PRTG: variants seen among roughly 807,000 people sequenced by gnomAD.
The protein encoded by PRTG is immunoglobulin superfamily, DCC subclass, member 5.
A neutral mutation model predicts 122.5 loss-of-function variants in PRTG; 67 were observed. That is an observed-to-expected ratio of 0.55 (90% CI 0.45 to 0.67). The LOEUF (loss-of-function observed/expected upper bound fraction) is 0.67. Among genes scored for constraint, PRTG ranks in the 30% least tolerant of loss-of-function variants. PRTG has a pLI of 0.00. For synonymous variants in PRTG, 554 were observed against 501.1 expected, an observed-to-expected ratio of 1.11 and a Z score of -1.41; for missense variants, 1,435 against 1,415.4, an observed-to-expected ratio of 1.01 and a Z score of -0.22.
chr15:55,631,070 G>A (rs191898595), intron 15 of PRTG, among the ~76,000 whole-genome samples: 8 of 152,256 alleles, frequency 5.3e-5, no homozygotes, highest in East Asian at 3.9e-4. Context: ...CTCCAGCAGC[G>A]ATGCCAGGAG....
intron 11 of PRTG, among the ~76,000 whole-genome samples, chr15:55,657,084 G>A (rs1045726654): frequency 2.6e-5 from 4 of 152,172 alleles, no homozygotes; most frequent in Non-Finnish European, 5.9e-5. Context: ...AGTATACCAA[G>A]AATGAGGCCA....
At chr15:55,702,921 T>C (rs564659285) in intron 2 of PRTG, 60 of 985,416 alleles carry the variant, frequency 6.1e-5, no homozygotes, top group Non-Finnish European at 6.6e-5. Context: ...ATCCAGCATA[T>C]CCTGCAGACA....
intron 2 of PRTG, among the ~76,000 whole-genome samples, chr15:55,685,976 T>A (rs1240305143): frequency 6.6e-6 from 1 of 152,204 alleles, no homozygotes; most frequent in African/African-American, 2.4e-5. Flanking sequence ...CTTGCTAGGA[T>A]GTTTATCTGC....
chr15:55,721,973 A>T (rs1421910841), intron 2 of PRTG, among the ~76,000 whole-genome samples: 1 of 152,182 alleles, frequency 6.6e-6, no homozygotes, highest in African/African-American at 2.4e-5. Context: ...ATTCAAGATG[A>T]GATTTGGGTG....
intron 11 of PRTG, among the ~76,000 whole-genome samples, chr15:55,665,206 G>A (rs1314590624): frequency 2.0e-5 from 3 of 152,046 alleles, no homozygotes; most frequent in Non-Finnish European, 2.9e-5. Context: ...CTTGCAGTGA[G>A]CCGAGATCGC....
At chr15:55,646,714 A>G (rs74482405) in intron 11 of PRTG, among the ~76,000 whole-genome samples, 21,375 of 152,250 alleles carry the variant, frequency 0.14, 2,183 homozygotes, top group African/African-American at 0.28. Context: ...TTAGCAATAT[A>G]TAAAGATGAA....
intron 2 of PRTG, among the ~76,000 whole-genome samples, chr15:55,691,636 G>A (rs562752629): frequency 5.3e-5 from 8 of 150,206 alleles, no homozygotes; most frequent in East Asian, 2.0e-4. Flanking sequence ...AGCCGAGATC[G>A]TGCCACTGTA....
At chr15:55,662,430 A>G (rs985006825) in intron 11 of PRTG, among the ~76,000 whole-genome samples, 40 of 152,242 alleles carry the variant, frequency 2.6e-4, no homozygotes, top group Non-Finnish European at 3.2e-4. Context: ...AGAAAGCAAA[A>G]TATCTTCTGT....
Position 55,620,023 on chromosome 15 carries a change from G to A in PRTG, c.3442C>T (p.Pro1148Ser). The A allele has an allele frequency of 6.2e-7, 1 of 1,614,096 alleles. No individual in the cohort carries two copies. Among genetic ancestry groups the A allele is most frequent in the Non-Finnish European group, 8.5e-7 (1 of 1,179,998 alleles). The change falls in exon 20 of 20, where the codon CCC becomes TCC. Residue 1148 changes from proline (P) to serine (S), a missense_variant. Physicochemically the swap from Pro to Ser is moderately conservative, Grantham distance 74 (BLOSUM62 -1). Transcript: ENST00000389286. ...HLSSVISTTP[P>S]NL is the part of the protein sequence containing the mutation. Reference sequence around the variant, plus strand: ...TGCCAGTGAAAGAATCAGAGGTTGGGGGGTGTGGTACTTATAACTGAGGAC... The same window carrying A: ...TGCCAGTGAAAGAATCAGAGGTTGGAGGGTGTGGTACTTATAACTGAGGAC...
Position 55,615,908 on chromosome 15 carries a change from G to A in PRTG, c.*4104C>T, listed in dbSNP as rs533292918. On this transcript the variant is annotated 3_prime_UTR_variant, in exon 20 of 20. Transcript: ENST00000389286. ...ATTGTTTTCAAAGGTGTCTGCATAA[G>A]AACTTGAACAATGATCCTGGGTTGT... is the stretch of plus-strand genomic sequence containing the variant. The A allele has an allele frequency of 1.3e-5, 2 of 152,188 alleles. No homozygotes were observed. Among genetic ancestry groups the A allele is most frequent in the Admixed American group, 1.3e-4 (2 of 15,274 alleles). 9.4% of individuals were successfully genotyped at this position (152,188 alleles called of 1,614,324 possible).
In PRTG at chr15:55,624,490, T is replaced by A. The variant is rs2059184216; in HGVS notation, c.2945A>T (p.Lys982Met). ...CTGTTGAGTTCCATTCTGTGCCGTC[T>A]TGGAAGCAGATGATTTCCTAAAACA... ...RSKARKSSAS[K>M]TAQNGTQQLP... is the part of the protein sequence containing the mutation. Residue 982 changes from lysine to methionine, a missense_variant, in exon 18 of 20, where the codon AAG (lysine) becomes ATG (methionine). Coordinates refer to ENST00000389286, the MANE Select transcript of PRTG (RefSeq NM_173814.6). 7 of 1,611,382 alleles carry A rather than the reference T, an allele frequency of 4.3e-6. No individual in the cohort carries two copies. The highest frequency in any genetic ancestry group is 5.1e-6 in the Non-Finnish European group (6 of 1,178,938).
rs1204699435 is a variant in PRTG at position 55,675,540 on chromosome 15, T to C, written c.1525A>G (p.Thr509Ala). 9 of 1,611,730 alleles carry C rather than the reference T, an allele frequency of 5.6e-6. No homozygotes were observed. Among genetic ancestry groups the C allele is most frequent in the South Asian group, 1.1e-5 (1 of 90,880 alleles). Reference sequence around the variant, plus strand: ...TTACCATCCTCTAGAGTATTCTGTGTCACATGGTCAGACATCTGGCTGGCT... The same window carrying C: ...TTACCATCCTCTAGAGTATTCTGTGCCACATGGTCAGACATCTGGCTGGCT... ...MGASQMSDHV[T>A]QNTLEDVPLR... The change falls in exon 9 of 20, where the codon ACA becomes GCA. Residue 509 changes from threonine (T) to alanine (A), a missense_variant. Transcript: ENST00000389286.
chr15:55,717,151 A>G (rs2030630687), intron 2 of PRTG, among the ~76,000 whole-genome samples: 1 of 152,222 alleles, frequency 6.6e-6, no homozygotes, highest in Non-Finnish European at 1.5e-5. Context: ...GGAGAATAAA[A>G]CATGTACATA....
At chr15:55,707,129 G>A (rs1387543895) in intron 2 of PRTG, among the ~76,000 whole-genome samples, 3 of 152,122 alleles carry the variant, frequency 2.0e-5, no homozygotes, top group Non-Finnish European at 4.4e-5. Context: ...CAGAGTTAAG[G>A]GTGATGTGGA....
At chr15:55,640,171 C>A (rs2059281718) in intron 12 of PRTG, among the ~76,000 whole-genome samples, 1 of 152,118 alleles carries the variant, frequency 6.6e-6, no homozygotes, top group South Asian at 2.1e-4. Context: ...TATGGTACAG[C>A]CTATCACCCA....
intron 2 of PRTG, among the ~76,000 whole-genome samples, chr15:55,700,271 T>C (rs1022426931): frequency 2.0e-5 from 3 of 152,184 alleles, no homozygotes; most frequent in Admixed American, 1.3e-4. Context: ...AATTCATCTT[T>C]AAATAATTAA....
intron 18 of PRTG, among the ~76,000 whole-genome samples, chr15:55,623,937 C>A (rs1284434595): frequency 2.6e-5 from 4 of 152,086 alleles, no homozygotes; most frequent in Admixed American, 6.6e-5. Flanking sequence ...TTAAGTTCAA[C>A]AATCAGCCAA....
At chr15:55,676,098 C>T (rs1416726995) in intron 8 of PRTG, among the ~76,000 whole-genome samples, 1 of 152,028 alleles carries the variant, frequency 6.6e-6, no homozygotes, top group South Asian at 2.1e-4. Context: ...AATGTAATGG[C>T]TCCACTCTTT....
chr15:55,653,340 T>A (rs2059363344), intron 11 of PRTG, among the ~76,000 whole-genome samples: 1 of 152,112 alleles, frequency 6.6e-6, no homozygotes, highest in African/African-American at 2.4e-5. Flanking sequence ...ATAACACCTC[T>A]CACTCCCAGT....
Sources: allele counts gnomAD v4.1 joint callset (sites outside exome capture counted in the v4.1 genomes callset), GRCh38; gene constraint gnomAD v4.1.1; transcripts MANE v1.5; gene names NCBI Gene and HGNC (gene_info 2026-07-23, HGNC 2026-07-21).